OSBPL9: variants seen among roughly 807,000 people sequenced by gnomAD.
The protein encoded by OSBPL9 is oxysterol-binding protein-related protein 9.
Under a neutral mutation model 106.6 loss-of-function variants are expected in OSBPL9, and 40 were observed. That is an observed-to-expected ratio of 0.38 (90% CI 0.29 to 0.49). The LOEUF (loss-of-function observed/expected upper bound fraction) is 0.49. Among genes scored for constraint, OSBPL9 ranks in the 20% least tolerant of loss-of-function variants. OSBPL9 has a pLI of 0.97. For missense variants in OSBPL9, 609 were observed against 887.2 expected, an observed-to-expected ratio of 0.69 and a Z score of 3.98; for synonymous variants, 269 against 295.4, an observed-to-expected ratio of 0.91 and a Z score of 0.92.
intron 1 of OSBPL9, among the ~76,000 whole-genome samples, chr1:51,628,373 T>G (rs1644896108): frequency 6.6e-6 from 1 of 152,168 alleles, no homozygotes; most frequent in Non-Finnish European, 1.5e-5. Context: ...GATAACATTT[T>G]TTCTTCATCT....
chr1:51,606,007 GAA>G (rs1386624137), intron 2 of OSBPL9, among the ~76,000 whole-genome samples: 5 of 141,490 alleles, frequency 3.5e-5, no homozygotes, highest in Non-Finnish European at 6.5e-5. Context: ...GAGAGAGAGA[GAA>G]AGAAAAAAGA....
chr1:51,707,133 A>G (rs1658720032), intron 3 of OSBPL9: 1 of 377,940 alleles, frequency 2.6e-6, no homozygotes, highest in South Asian at 2.0e-5. Context: ...GGTCCTGGGC[A>G]CTTACTCCTT....
chr1:51,782,907 A>G (rs762203036), intron 17 of OSBPL9, among the ~76,000 whole-genome samples: 2 of 152,194 alleles, frequency 1.3e-5, no homozygotes, highest in Non-Finnish European at 1.5e-5. Flanking sequence ...CATCTTATAT[A>G]TAGTAATTTG....
intron 1 of OSBPL9, among the ~76,000 whole-genome samples, chr1:51,630,769 A>G (rs1316895153): frequency 6.6e-6 from 1 of 152,224 alleles, no homozygotes; most frequent in Non-Finnish European, 1.5e-5. Flanking sequence ...AATTTTTTTA[A>G]AACACCTTTA....
In OSBPL9 at chr1:51,592,108, C is replaced by CTTTTTTTTT. The variant is rs34379031; in HGVS notation, c.-422-6000_-422-5992dup. On this transcript the variant is annotated intron_variant, in intron 1 of 25. Transcript: ENST00000371714. The stretch of plus-strand genomic sequence containing the variant: ...CCTCAACGATTACTTGTTGCTAAGG[C>CTTTTTTTTT]TTTTTTTTTTTTTTTTTTTTTTTTG... 2.3e-4 allele frequency among the ~76,000 whole-genome samples: 18 copies of CTTTTTTTTT among 77,000 alleles called. 1 individual carries two copies. In the East Asian group the frequency reaches 3.8e-3, roughly 16 times the overall value. 50.5% of individuals were successfully genotyped at this position (77,000 alleles called of 152,430 possible).
intron 2 of OSBPL9, among the ~76,000 whole-genome samples, chr1:51,663,494 A>G (rs1433466043): frequency 1.3e-5 from 2 of 152,142 alleles, no homozygotes; most frequent in Admixed American, 6.5e-5. Flanking sequence ...TTATTAAAAA[A>G]CTTTTTTTAA....
chr1:51,673,408 G>T (rs1470603177), intron 3 of OSBPL9, among the ~76,000 whole-genome samples: 4 of 152,128 alleles, frequency 2.6e-5, no homozygotes, highest in Non-Finnish European at 2.9e-5. Flanking sequence ...TGGGAGCAAG[G>T]GAGCTTTTGT....
At chr1:51,579,939 A>G (rs937703204) in intron 1 of OSBPL9, among the ~76,000 whole-genome samples, 10 of 152,068 alleles carry the variant, frequency 6.6e-5, no homozygotes, top group Non-Finnish European at 1.3e-4. Context: ...AATGTACAGC[A>G]GAGGTTTGGG....
At chr1:51,628,906 G>T (rs182482062) in intron 1 of OSBPL9, among the ~76,000 whole-genome samples, 64 of 151,982 alleles carry the variant, frequency 4.2e-4, no homozygotes, top group African/African-American at 1.5e-3. Context: ...CTGGTCTCCT[G>T]ACCTCAAGTG....
intron 2 of OSBPL9, among the ~76,000 whole-genome samples, chr1:51,668,965 G>T (rs1171882769): frequency 6.6e-6 from 1 of 152,212 alleles, no homozygotes; most frequent in African/African-American, 2.4e-5. Context: ...GGTTGGGACA[G>T]TGTTTTGAAG....
chr1:51,761,906 C>G lies in OSBPL9; in HGVS notation c.713C>G (p.Ser238Cys). ...QLCKSEQRPS[S>C]LPVGPVLATL... ...TGTAAGTCAGAGCAGCGTCCATCTT[C>G]CCTACCAGTTGGACCTGTGTTGGCT... The change falls in exon 11 of 24, where the codon TCC (serine) becomes TGC (cysteine). Residue 238 changes from serine (S) to cysteine (C), a missense_variant. Physicochemically the swap from Ser to Cys is moderately radical, Grantham distance 112 (BLOSUM62 -1). Transcript: ENST00000428468. 1.2e-6 allele frequency: 2 copies of G among 1,613,804 alleles called. No individual in the cohort carries two copies. The highest frequency in any genetic ancestry group is 1.7e-6 in the Non-Finnish European group (2 of 1,179,724).
chr1:51,577,046 TC>T (rs1407014932), upstream of OSBPL9: 1 of 152,148 alleles, frequency 6.6e-6, no homozygotes, highest in Non-Finnish European at 1.5e-5. Context: ...CTCTTGGTGA[TC>T]AGTGAGCTCT....
intron 4 of OSBPL9, among the ~76,000 whole-genome samples, chr1:51,731,499 C>T (rs1316155062): frequency 6.6e-6 from 1 of 152,040 alleles, no homozygotes; most frequent in East Asian, 1.9e-4. Context: ...TAGCTCACGC[C>T]TGTAATTACA....
chr1:51,733,076 C>A (rs1664824270), intron 4 of OSBPL9, among the ~76,000 whole-genome samples: 1 of 152,206 alleles, frequency 6.6e-6, no homozygotes, highest in East Asian at 1.9e-4. Context: ...TTCTATGATG[C>A]CTTCCTTCAG....
rs185182352 is a variant in OSBPL9, at chr1:51,607,157, T to A, written c.-352-7148T>A. On this transcript the variant is annotated intron_variant, in intron 2 of 25. Coordinates refer to the OSBPL9 transcript ENST00000371714. ...GACTACAGATGTTTTTCTTTTCTTT[T>A]CTTTTTCTTTTTTTTTTTTTTTTTG... Among the ~76,000 whole-genome samples the A allele has an allele frequency of 7.8e-3, 1,167 of 149,266 alleles. 21 individuals carry two copies. The highest frequency in any genetic ancestry group is 0.028 in the African/African-American group (1,135 of 40,016).
Position 51,665,810 on chromosome 1 carries a change from G to A in OSBPL9, c.163-3624G>A, listed in dbSNP as rs527434504. On this transcript the variant is annotated intron_variant, in intron 2 of 23. Coordinates refer to ENST00000428468, the MANE Select transcript of OSBPL9 (RefSeq NM_024586.6). The stretch of plus-strand genomic sequence containing the variant: ...ATATAGACTATCTAAAGTACGCAGC[G>A]AGAAATGTTTCTGCAGCAGCAACAG... Among the ~76,000 whole-genome samples, 325 of 152,170 alleles carry A rather than the reference G, an allele frequency of 2.1e-3. 3 individuals are homozygous for A. The highest frequency in any genetic ancestry group is 4.1e-3 in the Admixed American group (62 of 15,276).
chr1:51,522,165 T>C, the OSBPL9 span, among the ~76,000 whole-genome samples: 5 of 152,208 alleles, frequency 3.3e-5, no homozygotes, highest in Non-Finnish European at 7.3e-5. Flanking sequence ...CTTCACTTTA[T>C]CCCCATAAGA....
chr1:51,519,392 G>A, the OSBPL9 span: 4 of 237,986 alleles, frequency 1.7e-5, no homozygotes, highest in Non-Finnish European at 3.3e-5. Flanking sequence ...CGCCCCGCCT[G>A]GCCCCGCCCG....
upstream of OSBPL9, chr1:51,614,229 A>G (rs976496641): frequency 6.6e-6 from 1 of 152,190 alleles, no homozygotes; most frequent in African/African-American, 2.4e-5. Context: ...TTTCAGATAT[A>G]TTCTTATTTA....
Sources: gnomAD v4.1 joint callset for allele counts (sites outside exome capture counted in the v4.1 genomes callset) on GRCh38, gnomAD v4.1.1 for gene constraint, MANE v1.5 for transcripts, NCBI Gene and HGNC (gene_info 2026-07-23, HGNC 2026-07-21) for gene names.